LIMS1: variants seen among roughly 807,000 people sequenced by gnomAD.
LIMS1 encodes the protein LIM and senescent cell antigen-like-containing domain protein 1.
In LIMS1, 18 loss-of-function variants were observed where a neutral mutation model predicts 44.1. The observed-to-expected ratio is 0.41, with a 90% CI of 0.28 to 0.61. The LOEUF is 0.61. Among genes scored for constraint, LIMS1 ranks in the 20% least tolerant of loss-of-function variants. The pLI, the probability that LIMS1 is intolerant of heterozygous loss-of-function variation, is 0.32. For synonymous variants in LIMS1, 93 were observed against 149.1 expected (o/e 0.62, Z 2.74); for missense variants, 201 against 422.0 (o/e 0.48, Z 4.59).
intron 1 of LIMS1, among the ~76,000 whole-genome samples, chr2:108,551,943 GTGTGTGTGTGTATA>G (rs1409143339): frequency 1.1e-5 from 1 of 94,314 alleles, no homozygotes; most frequent in Non-Finnish European, 2.2e-5. Flanking sequence ...GTGTGTGTGT[GTGTGTGTGTGTATA>G]TATATATATA....
intron 1 of LIMS1, among the ~76,000 whole-genome samples, chr2:108,602,977 T>C (rs938441672): frequency 2.6e-5 from 4 of 152,124 alleles, no homozygotes; most frequent in Non-Finnish European, 4.4e-5. Flanking sequence ...TTTTAGGGTT[T>C]CGTCATGGTA....
chr2:108,602,794 T>C (rs1420178505), intron 1 of LIMS1, among the ~76,000 whole-genome samples: 2 of 152,176 alleles, frequency 1.3e-5, no homozygotes, highest in East Asian at 3.8e-4. Flanking sequence ...TGAGACAGGG[T>C]CTTGCTGTGT....
chr2:108,597,849 C>T (rs1686795979), intron 1 of LIMS1, among the ~76,000 whole-genome samples: 1 of 151,952 alleles, frequency 6.6e-6, no homozygotes, highest in African/African-American at 2.4e-5. Context: ...CCCGCTGCCA[C>T]ACCCGGCTAT....
intron 1 of LIMS1, among the ~76,000 whole-genome samples, chr2:108,608,234 G>T (rs1558806882): frequency 6.6e-6 from 1 of 151,540 alleles, no homozygotes; most frequent in Non-Finnish European, 1.5e-5. Flanking sequence ...CAGTGCATGG[G>T]ATTCCGTCTT....
intron 1 of LIMS1, among the ~76,000 whole-genome samples, chr2:108,650,551 G>A (rs1399984162): frequency 6.6e-6 from 1 of 151,982 alleles, no homozygotes; most frequent in Admixed American, 6.6e-5. Context: ...CTGAGCAGCT[G>A]GGATTACACG....
rs114945958 is a variant in LIMS1 at position 108,638,013 on chromosome 2, C to T, written c.33-21592C>T. On this transcript the variant is annotated intron_variant, in intron 1 of 9. Transcript: ENST00000544547. The stretch of plus-strand genomic sequence containing the variant: ...GCCTACAGGTGCATGCCACCGTGCC[C>T]GGCTAATTTTTCTATAGAGATGGTG... Among the ~76,000 whole-genome samples, 640 of 152,028 alleles carry T rather than the reference C, an allele frequency of 4.2e-3. 5 individuals are homozygous for T. The highest frequency in any genetic ancestry group is 0.014 in the African/African-American group (588 of 41,500).
intron 1 of LIMS1, among the ~76,000 whole-genome samples, chr2:108,543,618 A>G (rs1429733920): frequency 6.6e-6 from 1 of 152,222 alleles, no homozygotes; most frequent in Non-Finnish European, 1.5e-5. Context: ...ACCTGGACCC[A>G]TTTAGATGAA....
intron 1 of LIMS1, among the ~76,000 whole-genome samples, chr2:108,563,159 A>T (rs987475032): frequency 6.6e-6 from 1 of 152,222 alleles, no homozygotes; most frequent in African/African-American, 2.4e-5. Context: ...CTGATCACCT[A>T]AGAACTCTGA....
chr2:108,643,153 C>T (rs994010774), intron 1 of LIMS1, among the ~76,000 whole-genome samples: 1 of 152,190 alleles, frequency 6.6e-6, no homozygotes, highest in African/African-American at 2.4e-5. Context: ...CCAACTTAGC[C>T]ATGAGGGCTG....
chr2:108,544,598 G>A (rs930405351), intron 1 of LIMS1, among the ~76,000 whole-genome samples: 2 of 152,088 alleles, frequency 1.3e-5, no homozygotes, highest in Admixed American at 1.3e-4. Flanking sequence ...GGGTTCAAGC[G>A]ATTCTCCTGC....
intron 1 of LIMS1, among the ~76,000 whole-genome samples, chr2:108,653,900 G>A (rs1293549568): frequency 9.1e-6 from 1 of 110,348 alleles, no homozygotes; most frequent in Non-Finnish European, 2.0e-5. Context: ...AGTCTTTTGA[G>A]TCCTTGATCA....
intron 1 of LIMS1, among the ~76,000 whole-genome samples, chr2:108,605,213 G>C (rs530714270): frequency 6.6e-6 from 1 of 152,318 alleles, no homozygotes; most frequent in Admixed American, 6.5e-5. Flanking sequence ...ATAGAACCTG[G>C]TGTGAGCAGC....
intron 1 of LIMS1, among the ~76,000 whole-genome samples, chr2:108,587,171 G>T (rs75785019): frequency 0.039 from 5,937 of 152,162 alleles, 153 homozygotes; most frequent in Non-Finnish European, 0.059. Flanking sequence ...ACCCTTCCCT[G>T]TAAATAGTCA....
chr2:108,608,837 C>T (rs144169025), intron 1 of LIMS1, among the ~76,000 whole-genome samples: 144 of 152,136 alleles, frequency 9.5e-4, no homozygotes, highest in African/African-American at 3.3e-3. Context: ...ATAGGGATAC[C>T]GCTCATTTCA....
At chr2:108,652,023 TG>T (rs1266007180) in intron 1 of LIMS1, among the ~76,000 whole-genome samples, 7 of 141,266 alleles carry the variant, frequency 5.0e-5, no homozygotes, top group African/African-American at 1.9e-4. Flanking sequence ...CCCCCACACC[TG>T]TCACATTAGC....
chr2:108,586,967 C>T (rs953898222), intron 1 of LIMS1, among the ~76,000 whole-genome samples: 2 of 152,162 alleles, frequency 1.3e-5, no homozygotes, highest in Non-Finnish European at 1.5e-5. Context: ...GCCAGAAAAA[C>T]ATTCTGGCTG....
chr2:108,668,441 T>G (rs1691942252), intron 2 of LIMS1, among the ~76,000 whole-genome samples: 1 of 152,192 alleles, frequency 6.6e-6, no homozygotes, highest in African/African-American at 2.4e-5. Context: ...CTCTTTAGAT[T>G]CCACATATGA....
intron 1 of LIMS1, among the ~76,000 whole-genome samples, chr2:108,554,569 T>C (rs1684858914): frequency 6.6e-6 from 1 of 152,198 alleles, no homozygotes; most frequent in Non-Finnish European, 1.5e-5. Flanking sequence ...TTATCACCAT[T>C]GATTATTTTG....
At chr2:108,607,239 T>C (rs977074670) in intron 1 of LIMS1, 3 of 1,551,096 alleles carry the variant, frequency 1.9e-6, no homozygotes, top group Non-Finnish European at 2.6e-6. Flanking sequence ...ACACATCGAA[T>C]CAAGATACAT....
Sources: allele counts gnomAD v4.1 joint callset (sites outside exome capture counted in the v4.1 genomes callset), GRCh38; gene constraint gnomAD v4.1.1; transcripts MANE v1.5; gene names NCBI Gene and HGNC (gene_info 2026-07-23, HGNC 2026-07-21).